The following CAMKK2 variants were observed in gnomAD, a reference collection of about 807,000 sequenced individuals.
CAMKK2 encodes calcium/calmodulin-dependent protein kinase kinase 2.
In CAMKK2, 30 loss-of-function variants were observed where a neutral mutation model predicts 67.2. The observed-to-expected ratio is 0.45, with a 90% confidence interval of 0.33 to 0.61. CAMKK2 has a LOEUF of 0.61. CAMKK2 is among the 20% of genes least tolerant of loss of function. The pLI, the probability that CAMKK2 is intolerant of heterozygous loss-of-function variation, is 0.02. For synonymous variants in CAMKK2, 322 were observed against 326.2 expected, an observed-to-expected ratio of 0.99 and a Z score of 0.14; for missense variants, 643 against 802.0, an observed-to-expected ratio of 0.80 and a Z score of 2.39.
intron 5 of CAMKK2, among the ~76,000 whole-genome samples, chr12:121,267,132 T>TG (rs1894780490): frequency 7.5e-6 from 1 of 133,572 alleles, no homozygotes; most frequent in African/African-American, 2.9e-5. Context: ...TTTTGAGAGA[T>TG]GGAGTCTCAG....
At chr12:121,268,425 T>G (rs986338026) in intron 5 of CAMKK2, among the ~76,000 whole-genome samples, 12 of 152,150 alleles carry the variant, frequency 7.9e-5, no homozygotes, top group African/African-American at 2.9e-4. Flanking sequence ...GACAGAGTCT[T>G]GCTCTGTCAC....
chr12:121,297,664 G>A, upstream of CAMKK2: 1 of 518,156 alleles, frequency 1.9e-6, no homozygotes, highest in South Asian at 1.4e-5. Context: ...CCCAGGGGAT[G>A]TCTCACTGAC....
Position 121,274,461 on chromosome 12 carries a change from G to A in CAMKK2, c.66C>T (p.Gly22=), listed in dbSNP as rs891780. 3.3e-3 allele frequency: 5,362 copies of A among 1,612,674 alleles called. 159 individuals carry two copies. In the African/African-American group the frequency reaches 0.063, roughly 19 times the overall value. ...NRAAPQDELG[G]RGSSSSESQK... ...GGCTTTCGCTGCTGCTGCTGCCCCT[G>A]CCCCCCAGCTCATCCTGGGGGGCGG... Residue 22 remains glycine (G), a synonymous_variant, in exon 2 of 17, where the codon GGC becomes GGT. Coordinates refer to ENST00000404169, the MANE Select transcript of CAMKK2 (RefSeq NM_001270485.2).
At chr12:121,289,887 T>C (rs1899634130) in intron 1 of CAMKK2, among the ~76,000 whole-genome samples, 2 of 137,878 alleles carry the variant, frequency 1.5e-5, no homozygotes, top group South Asian at 4.6e-4. Flanking sequence ...AGCAAGACCC[T>C]GTCTTTAAAA....
chr12:121,274,216 C>A lies in CAMKK2; in HGVS notation c.311G>T (p.Arg104Leu), dbSNP rs1307277623. The change falls in exon 2 of 17, where the codon CGG becomes CTG. Residue 104 changes from arginine to leucine, a missense_variant. Arg to Leu is a moderately radical substitution (Grantham distance 102). Coordinates refer to ENST00000404169, the MANE Select transcript of CAMKK2 (RefSeq NM_001270485.2). ...LSGRKLSLQE[R>L]SQGGLAAGGS... ...ACCGGCTGCCAGCCCACCCTGGGAC[C>A]GCTCTTGCAGAGACAGCTTGCGACC... 6.2e-7 allele frequency: 1 copy of A among 1,605,384 alleles called. No individual in the cohort carries two copies. The highest frequency in any genetic ancestry group is 8.5e-7 in the Non-Finnish European group (1 of 1,174,372).
chr12:121,285,562 A>G lies in CAMKK2; in HGVS notation c.-59-10977T>C, dbSNP rs948874460. 9.2e-5 allele frequency among the ~76,000 whole-genome samples: 14 copies of G among 151,996 alleles called. No individual in the cohort carries two copies. Among genetic ancestry groups the G allele is most frequent in the Non-Finnish European group, 5.9e-5 (4 of 68,006 alleles). ...GGTGGCTCACGCCTGTGCTCCTAGC[A>G]CTGTGGAAGTCTGAGGTGGGCAGAT... is the stretch of plus-strand genomic sequence containing the variant. On this transcript the variant is annotated intron_variant, in intron 1 of 16. Coordinates refer to ENST00000404169, the MANE Select transcript of CAMKK2 (RefSeq NM_001270485.2). The surrounding 1 kb of genome is among the most constrained non-coding windows in gnomAD (Gnocchi z 4.1).
At chr12:121,275,082 G>A (rs1391043736) in intron 1 of CAMKK2, among the ~76,000 whole-genome samples, 1 of 152,140 alleles carries the variant, frequency 6.6e-6, no homozygotes, top group Non-Finnish European at 1.5e-5. Flanking sequence ...TTGCTCGGCA[G>A]GAATCTGGGC....
chr12:121,253,610 C>G lies in CAMKK2; in HGVS notation c.908-138G>C. The G allele has an allele frequency of 1.4e-6, 1 of 712,644 alleles. No homozygotes were observed. The highest frequency in any genetic ancestry group is 2.4e-6 in the Non-Finnish European group (1 of 410,036). The allele number at this position is 712,644 out of a possible 1,614,324, so 44.1% of individuals were successfully genotyped here. On this transcript the variant is annotated intron_variant, in intron 9 of 16. Coordinates refer to ENST00000404169, the MANE Select transcript of CAMKK2 (RefSeq NM_001270485.2). This position sits in a 1 kb window ranked among gnomAD's most constrained non-coding sequence, Gnocchi z 5.0. ...TCCCACAGCCCCAGGCCTTTTCCAACCTTCCACTCCCCAAACCCGCTGGGC... is the reference window on the plus strand; with the variant it reads ...TCCCACAGCCCCAGGCCTTTTCCAAGCTTCCACTCCCCAAACCCGCTGGGC...
At chr12:121,281,773 C>T (rs983354552) in intron 1 of CAMKK2, among the ~76,000 whole-genome samples, 3 of 152,090 alleles carry the variant, frequency 2.0e-5, no homozygotes, top group Non-Finnish European at 2.9e-5. Flanking sequence ...ATGGTGAAAC[C>T]CCGTCTCTAC....
Position 121,274,576 on chromosome 12 carries a change from GCGGAGCCACCTGCA to G in CAMKK2, c.-59-5_-51del. The G allele has an allele frequency of 7.4e-7, 1 of 1,350,458 alleles. No individual in the cohort carries two copies. The highest frequency in any genetic ancestry group is 2.4e-5 in the East Asian group (1 of 41,114). 83.7% of individuals were successfully genotyped at this position (1,350,458 alleles called of 1,614,324 possible). A position where few individuals can be genotyped will look rare whatever the true frequency, so the allele number is the denominator to read the frequency against. On this transcript the variant is annotated splice_acceptor_variant and splice_polypyrimidine_tract_variant and 5_prime_UTR_variant and intron_variant, in exon 2 of 17. Transcript: ENST00000404169. LOFTEE classifies it low-confidence loss of function (5UTR_SPLICE). ...CACACTGGGGCACTCCCATCCGGCA[GCGGAGCCACCTGCA>G]GAAAGAGAAAGGGTCAGCTGGCCCA...
At chr12:121,257,704 T>G (rs1756351803) in intron 7 of CAMKK2, among the ~76,000 whole-genome samples, 1 of 152,040 alleles carries the variant, frequency 6.6e-6, no homozygotes, top group Non-Finnish European at 1.5e-5. Flanking sequence ...CCAGTGTGAG[T>G]TAGGGCAGAT....
Position 121,258,108 on chromosome 12 carries a change from T to C in CAMKK2, c.796+2211A>G, listed in dbSNP as rs527549020. On this transcript the variant is annotated intron_variant, in intron 7 of 16. Coordinates refer to ENST00000404169, the MANE Select transcript of CAMKK2 (RefSeq NM_001270485.2). ...GGCACGATCTCGGTTCACTGCAACC[T>C]CCGCTTCCCAGGTTGAAGTGATTCT... 1.6e-4 allele frequency among the ~76,000 whole-genome samples: 23 copies of C among 146,750 alleles called. No homozygotes were observed. In the East Asian group the frequency reaches 3.6e-3, roughly 23 times the overall value.
At chr12:121,290,099 C>A (rs1031495982) in intron 1 of CAMKK2, among the ~76,000 whole-genome samples, 2 of 152,156 alleles carry the variant, frequency 1.3e-5, no homozygotes, top group Non-Finnish European at 2.9e-5. Flanking sequence ...GTGGCTCAAG[C>A]TAATTGTTCC....
Position 121,240,587 on chromosome 12 carries a change from C to A in CAMKK2, c.*112G>T. 1 of 1,533,562 alleles carries A rather than the reference C, an allele frequency of 6.5e-7. No individual in the cohort carries two copies. Among genetic ancestry groups the A allele is most frequent in the African/African-American group, 1.4e-5 (1 of 72,466 alleles). 95.0% of individuals were successfully genotyped at this position (1,533,562 alleles called of 1,614,324 possible). A position where few individuals can be genotyped will look rare whatever the true frequency, so the allele number is the denominator to read the frequency against. On this transcript the variant is annotated 3_prime_UTR_variant, in exon 17 of 17. Coordinates refer to ENST00000404169, the MANE Select transcript of CAMKK2 (RefSeq NM_001270485.2). The surrounding 1 kb of genome is among the most constrained non-coding windows in gnomAD (Gnocchi z 4.4). ...AAAACAAATAACCAGAGATGACGAT[C>A]GAGGCTCTACACACGTGCTGGGTTT...
At chr12:121,243,813 T>C in intron 16 of CAMKK2, 1 of 1,189,548 alleles carries the variant, frequency 8.4e-7, no homozygotes, top group Non-Finnish European at 1.1e-6. Flanking sequence ...GGTATGTGAA[T>C]TGTACCTCAG....
chr12:121,240,307 G>T lies in CAMKK2; in HGVS notation c.*392C>A. 1 of 850,602 alleles carries T rather than the reference G, an allele frequency of 1.2e-6. No individual in the cohort carries two copies. Among genetic ancestry groups the T allele is most frequent in the Non-Finnish European group, 1.8e-6 (1 of 562,006 alleles). The allele number at this position is 850,602 out of a possible 1,614,324, so 52.7% of individuals were successfully genotyped here. On this transcript the variant is annotated 3_prime_UTR_variant, in exon 17 of 17. Coordinates refer to ENST00000404169, the MANE Select transcript of CAMKK2 (RefSeq NM_001270485.2). The surrounding 1 kb of genome is among the most constrained non-coding windows in gnomAD (Gnocchi z 4.4). The stretch of plus-strand genomic sequence containing the variant: ...GCAACCACCTCCATGGCCTCAGACC[G>T]CCGGAGTTTTCTGCTCGCCTTTCCA...
chr12:121,262,835 T>C (rs1020251416), intron 6 of CAMKK2, among the ~76,000 whole-genome samples: 3 of 152,288 alleles, frequency 2.0e-5, no homozygotes, highest in Admixed American at 6.5e-5. Flanking sequence ...GCTGGGATTA[T>C]AGGCGTGAGC....
intron 1 of CAMKK2, among the ~76,000 whole-genome samples, chr12:121,283,325 TC>T (rs1898148619): frequency 6.6e-6 from 1 of 151,442 alleles, no homozygotes; most frequent in South Asian, 2.1e-4. Context: ...CAACTGGCTC[TC>T]TCCTTCAGCG....
chr12:121,277,965 T>C (rs1287820993), intron 1 of CAMKK2, among the ~76,000 whole-genome samples: 1 of 152,092 alleles, frequency 6.6e-6, no homozygotes, highest in African/African-American at 2.4e-5. Flanking sequence ...AGACTCCATC[T>C]AAAATAAATA....
Sources: allele counts gnomAD v4.1 joint callset (sites outside exome capture counted in the v4.1 genomes callset), GRCh38; gene constraint gnomAD v4.1.1; non-coding constraint Gnocchi (gnomAD v3.1); transcripts MANE v1.5; gene names NCBI Gene and HGNC (gene_info 2026-07-23, HGNC 2026-07-21).